The following PCM1 variants were observed in gnomAD, a reference collection of about 807,000 sequenced individuals.
The protein encoded by PCM1 is pericentriolar material 1.
A neutral mutation model predicts 241.9 loss-of-function variants in PCM1; 157 were observed. The ratio of observed to expected loss-of-function variants is 0.65; its 90% confidence interval spans 0.57 to 0.74. The LOEUF is 0.74. PCM1 is among the 30% of genes least tolerant of loss of function. PCM1 has a pLI of 0.00. For synonymous variants in PCM1, 1,085 were observed against 784.9 expected (o/e 1.38, Z -6.39); for missense variants, 3,478 against 2,360.1 (o/e 1.47, Z -9.81).
At chr8:17,994,643 T>C (rs1401693530) in intron 29 of PCM1, among the ~76,000 whole-genome samples, 1 of 152,216 alleles carries the variant, frequency 6.6e-6, no homozygotes, top group East Asian at 1.9e-4. Context: ...TTGTACTAAT[T>C]TACATTCCCA....
intron 7 of PCM1, among the ~76,000 whole-genome samples, chr8:17,948,216 G>C (rs1249742317): frequency 6.6e-6 from 1 of 151,344 alleles, no homozygotes; most frequent in Non-Finnish European, 1.5e-5. Context: ...CTAGCCCACT[G>C]GCTCACCTGT....
intron 22 of PCM1, among the ~76,000 whole-genome samples, chr8:17,971,123 A>G (rs2076710546): frequency 1.3e-5 from 2 of 152,230 alleles, no homozygotes; most frequent in Admixed American, 6.5e-5. Flanking sequence ...TTTTATTTTC[A>G]TATAATTTTC....
intron 30 of PCM1, among the ~76,000 whole-genome samples, chr8:18,007,499 AT>A (rs1171946727): frequency 6.6e-6 from 1 of 152,178 alleles, no homozygotes; most frequent in East Asian, 1.9e-4. Flanking sequence ...TAATTTAAAT[AT>A]TTTTTATCAA....
chr8:17,977,230 G>A (rs1328111013), intron 23 of PCM1, among the ~76,000 whole-genome samples: 2 of 151,666 alleles, frequency 1.3e-5, no homozygotes, highest in Non-Finnish European at 2.9e-5. Flanking sequence ...CTTTATTGCT[G>A]GTTTTATATT....
At chr8:17,948,888 C>T (rs1345246197) in intron 7 of PCM1, among the ~76,000 whole-genome samples, 1 of 152,094 alleles carries the variant, frequency 6.6e-6, no homozygotes, top group African/African-American at 2.4e-5. Flanking sequence ...TGCATAATCT[C>T]CTTTGATCAT....
Position 17,923,020 on chromosome 8 carries a change from C to G in PCM1, c.-259C>G, listed in dbSNP as rs1183590357. On this transcript the variant is annotated 5_prime_UTR_variant, in exon 1 of 39. Transcript: ENST00000325083. The stretch of plus-strand genomic sequence containing the variant: ...GATCCTAAGATGGCGGTGGCTGCGG[C>G]GGTTGGCGCTGCGTAGCTGAGGTCG... 6.5e-6 allele frequency: 1 copy of G among 152,806 alleles called. No homozygotes were observed. The highest frequency in any genetic ancestry group is 2.4e-5 in the African/African-American group (1 of 41,476). 9.5% of individuals were successfully genotyped at this position (152,806 alleles called of 1,614,324 possible). A position where few individuals can be genotyped will look rare whatever the true frequency, so the allele number is the denominator to read the frequency against.
intron 6 of PCM1, among the ~76,000 whole-genome samples, chr8:17,946,179 C>G (rs1323497191): frequency 2.0e-5 from 3 of 152,076 alleles, no homozygotes; most frequent in Non-Finnish European, 4.4e-5. Context: ...ATCCATCCCT[C>G]TACTTTTAGA....
chr8:17,990,371 T>C (rs1162486293), intron 27 of PCM1, among the ~76,000 whole-genome samples: 11 of 152,170 alleles, frequency 7.2e-5, no homozygotes, highest in Middle Eastern at 3.4e-3. Flanking sequence ...AATAAAAATA[T>C]TAACTTTGTA....
intron 2 of PCM1, among the ~76,000 whole-genome samples, chr8:17,930,722 C>G (rs1406684380): frequency 1.3e-5 from 2 of 151,738 alleles, no homozygotes; most frequent in East Asian, 4.0e-4. Flanking sequence ...ACTAAAGATA[C>G]AACAAAAATT....
rs565306452 is a variant in PCM1 at position 18,009,366 on chromosome 8, T to C, written c.4963-181T>C. 2.6e-5 allele frequency among the ~76,000 whole-genome samples: 4 copies of C among 152,364 alleles called. No individual in the cohort carries two copies. In the East Asian group the frequency reaches 7.7e-4, roughly 29 times the overall value. On this transcript the variant is annotated intron_variant, in intron 30 of 38. Transcript: ENST00000325083. ...TATGTTCTTCCCTTGTGTATACTCT[T>C]TAAGCAGGACTAGCAACATTCCCAC...
At chr8:17,948,275 T>C (rs1444958069) in intron 7 of PCM1, among the ~76,000 whole-genome samples, 1 of 151,012 alleles carries the variant, frequency 6.6e-6, no homozygotes, top group Non-Finnish European at 1.5e-5. Context: ...CAAGGAACGT[T>C]ATGACTTTCA....
rs1247241503 is a variant in PCM1, at chr8:18,018,804, C to T, written c.5841+3964C>T. Among the ~76,000 whole-genome samples, 20 of 133,396 alleles carry T rather than the reference C, an allele frequency of 1.5e-4. No individual in the cohort carries two copies. In the South Asian group the frequency reaches 2.8e-3, roughly 19 times the overall value. 87.5% of individuals were successfully genotyped at this position (133,396 alleles called of 152,430 possible). On this transcript the variant is annotated intron_variant, in intron 36 of 38. Coordinates refer to ENST00000325083, the MANE Select transcript of PCM1 (RefSeq NM_006197.4). Reference sequence around the variant, plus strand: ...CCAGCCTGGCCACAGAGCCAGATTCCGTCTCAAAAAAAAAAAAATATGTAT... The same window carrying T: ...CCAGCCTGGCCACAGAGCCAGATTCTGTCTCAAAAAAAAAAAAATATGTAT...
In PCM1 at chr8:17,962,745, C is replaced by CA. The variant is rs1458740808; in HGVS notation, c.2464-348dup. Among the ~76,000 whole-genome samples, 130 of 151,130 alleles carry CA rather than the reference C, an allele frequency of 8.6e-4. 1 individual carries two copies. The highest frequency in any genetic ancestry group is 2.9e-3 in the African/African-American group (120 of 41,100). On this transcript the variant is annotated intron_variant, in intron 16 of 38. Transcript: ENST00000325083. Reference sequence around the variant, plus strand: ...GAAACCCTATCTCTACTAAAAAATACAAAAAAAATTAGCTAGGTGTAGTGG... The same window carrying CA: ...GAAACCCTATCTCTACTAAAAAATACAAAAAAAAATTAGCTAGGTGTAGTGG...
At chr8:17,990,340 G>A (rs1004080865) in intron 27 of PCM1, among the ~76,000 whole-genome samples, 4 of 151,856 alleles carry the variant, frequency 2.6e-5, no homozygotes, top group Admixed American at 2.0e-4. Context: ...AACAATTCAG[G>A]CCTCATCTAA....
At chr8:17,970,407 T>A (rs1248246049) in intron 22 of PCM1, among the ~76,000 whole-genome samples, 2 of 151,724 alleles carry the variant, frequency 1.3e-5, no homozygotes, top group Non-Finnish European at 2.9e-5. Flanking sequence ...TTGACACTGT[T>A]TAATTACTGA....
intron 28 of PCM1, among the ~76,000 whole-genome samples, chr8:17,993,064 T>C (rs2085345941): frequency 1.3e-5 from 2 of 152,056 alleles, no homozygotes; most frequent in South Asian, 4.1e-4. Flanking sequence ...CAGATGATTA[T>C]TTCTTTTGCC....
chr8:17,990,838 CAA>C (rs1193052901), intron 27 of PCM1, among the ~76,000 whole-genome samples: 11 of 152,244 alleles, frequency 7.2e-5, no homozygotes, highest in African/African-American at 2.2e-4. Context: ...TTCGCCAAAA[CAA>C]AAGTCTTCCT....
chr8:17,970,065 A>G (rs1481359448), intron 22 of PCM1, among the ~76,000 whole-genome samples: 1 of 152,172 alleles, frequency 6.6e-6, no homozygotes, highest in East Asian at 1.9e-4. Context: ...AACTGCTAGA[A>G]GATAGTTGTT....
chr8:17,971,500 A>G (rs1394989308), intron 22 of PCM1, among the ~76,000 whole-genome samples: 2 of 152,236 alleles, frequency 1.3e-5, no homozygotes, highest in Non-Finnish European at 2.9e-5. Context: ...ATATTAAGGG[A>G]TGCTAGTGTT....
Sources: gnomAD v4.1 joint callset for allele counts (sites outside exome capture counted in the v4.1 genomes callset) on GRCh38, gnomAD v4.1.1 for gene constraint, MANE v1.5 for transcripts, NCBI Gene and HGNC (gene_info 2026-07-23, HGNC 2026-07-21) for gene names.